The following KCNG2 variants were observed in gnomAD, a reference collection of about 807,000 sequenced individuals.
KCNG2 encodes voltage-gated potassium channel regulatory subunit KCNG2.
Under a neutral mutation model 12.3 loss-of-function variants are expected in KCNG2, and 7 were observed. That is an observed-to-expected ratio of 0.57 (90% CI 0.32 to 1.07). The LOEUF is 1.07. KCNG2 is among the 50% of genes least tolerant of loss of function. KCNG2 has a pLI of 0.04. For synonymous variants in KCNG2, 414 were observed against 351.4 expected (o/e 1.18, Z -1.99); for missense variants, 703 against 726.0 (o/e 0.97, Z 0.36).
chr18:79,848,222 G>T (rs1369511174), intron 1 of KCNG2, among the ~76,000 whole-genome samples: 1 of 152,198 alleles, frequency 6.6e-6, no homozygotes, highest in African/African-American at 2.4e-5. Flanking sequence ...TTCTAAGTAG[G>T]GTTTGCCTTT....
chr18:79,899,023 G>T lies in KCNG2; in HGVS notation c.625-17G>T, dbSNP rs767920719. On this transcript the variant is annotated splice_polypyrimidine_tract_variant and intron_variant, in intron 3 of 3. Transcript: ENST00000316249. ...AAGAGGCCTGCGCCCCCAACCCCGT[G>T]TCCCCTCTCCCCGCAGGGCGAGTGC... 1.3e-6 allele frequency: 2 copies of T among 1,523,080 alleles called. No homozygotes were observed. Among genetic ancestry groups the T allele is most frequent in the Admixed American group, 1.9e-5 (1 of 52,824 alleles). The allele number at this position is 1,523,080 out of a possible 1,614,324, so 94.3% of individuals were successfully genotyped here.
intron 1 of KCNG2, among the ~76,000 whole-genome samples, chr18:79,827,591 G>A (rs1419581929): frequency 6.6e-6 from 1 of 152,224 alleles, no homozygotes; most frequent in Admixed American, 6.5e-5. Context: ...GTGTCTGAGA[G>A]GCCAGCAGAG....
At chr18:79,888,657 A>G (rs536590908) in intron 3 of KCNG2, among the ~76,000 whole-genome samples, 1 of 152,014 alleles carries the variant, frequency 6.6e-6, no homozygotes, top group Admixed American at 6.5e-5. Context: ...CTGACAGTTG[A>G]GAGCTCTTCT....
chr18:79,899,058 T>C lies in KCNG2; in HGVS notation c.643T>C (p.Cys215Arg). The change falls in exon 4 of 4, where the codon TGC becomes CGC. Residue 215 changes from cysteine to arginine, a missense_variant. Transcript: ENST00000316249. ...CCCGCAGGGCGAGTGCTCCCCCAAG[T>C]GCCGCAGCCTGTTCGTGCTGGAGAC... ...EEERGECSPK[C>R]RSLFVLETVC... 1 of 1,574,036 alleles carries C rather than the reference T, an allele frequency of 6.4e-7. No individual in the cohort carries two copies. The highest frequency in any genetic ancestry group is 8.6e-7 in the Non-Finnish European group (1 of 1,163,266).
At position 79,899,414 on chromosome 18, in the gene KCNG2, G is replaced by T; in HGVS notation, c.999G>T (p.Met333Ile). 6.3e-7 allele frequency: 1 copy of T among 1,586,368 alleles called. No individual in the cohort carries two copies. The change falls in exon 4 of 4, where the codon ATG becomes ATT. Residue 333 changes from methionine to isoleucine, a missense_variant. Physicochemically the swap from Met to Ile is conservative, Grantham distance 10. Coordinates refer to ENST00000316249, the MANE Select transcript of KCNG2 (RefSeq NM_012283.2). ...TGCTGCTGTTCCTCTGCGTGGCCAT[G>T]GCGCTCTTCGCGCCACTGGTGCACC... ...GLLLLFLCVAMALFAPLVHLA... is the reference protein window; with the variant it reads ...GLLLLFLCVAIALFAPLVHLA...
At chr18:79,838,240 A>G (rs1457716266) in intron 1 of KCNG2, among the ~76,000 whole-genome samples, 1 of 152,200 alleles carries the variant, frequency 6.6e-6, no homozygotes, top group East Asian at 1.9e-4. Context: ...AAACCATATC[A>G]AAAGTATACC....
chr18:79,819,414 G>A (rs1279389958), intron 1 of KCNG2, among the ~76,000 whole-genome samples: 1 of 152,214 alleles, frequency 6.6e-6, no homozygotes, highest in Non-Finnish European at 1.5e-5. Context: ...AGCTGTTGCT[G>A]CCAGGCCTGG....
chr18:79,878,290 G>A lies in KCNG2; in HGVS notation c.624+13999G>A, dbSNP rs769184029. Among the ~76,000 whole-genome samples, 40 of 120,250 alleles carry A rather than the reference G, an allele frequency of 3.3e-4. 1 individual carries two copies. Among genetic ancestry groups the A allele is most frequent in the Non-Finnish European group, 5.7e-4 (31 of 54,046 alleles). The allele number at this position is 120,250 out of a possible 152,430, so 78.9% of individuals were successfully genotyped here. ...GCCTGATGCCCACGTGGCAGTGTGC[G>A]GAGGGCACCTGATGCCACGTGGCAG... On this transcript the variant is annotated intron_variant, in intron 3 of 3. Transcript: ENST00000316249.
intron 3 of KCNG2, among the ~76,000 whole-genome samples, chr18:79,882,649 A>G (rs1980343184): frequency 6.6e-6 from 1 of 152,268 alleles, no homozygotes; most frequent in African/African-American, 2.4e-5. Flanking sequence ...GCCCTGATCT[A>G]AAAACCAGCC....
intron 1 of KCNG2, among the ~76,000 whole-genome samples, chr18:79,810,464 T>C (rs564979466): frequency 3.9e-5 from 6 of 152,124 alleles, no homozygotes; most frequent in Middle Eastern, 3.4e-3. Flanking sequence ...GCAGGAAACG[T>C]AGAAATCAAA....
At chr18:79,890,385 T>C (rs768862657) in intron 3 of KCNG2, among the ~76,000 whole-genome samples, 3 of 152,182 alleles carry the variant, frequency 2.0e-5, no homozygotes, top group Non-Finnish European at 4.4e-5. Context: ...ACATATTGTG[T>C]GATGCTGAGG....
intron 1 of KCNG2, among the ~76,000 whole-genome samples, chr18:79,804,968 G>A (rs79682532): frequency 1.4e-4 from 21 of 152,204 alleles, no homozygotes; most frequent in African/African-American, 3.4e-4. Flanking sequence ...ACACACATAC[G>A]GGTGAAGGCT....
In KCNG2 at chr18:79,899,322, C is replaced by T. The variant is rs943323252; in HGVS notation, c.907C>T (p.Arg303Cys). The stretch of plus-strand genomic sequence containing the variant: ...CGTGCTCTACGTGATGCGCCTGGCG[C>T]GCCACTCGCTGGGGCTGCGTTCGCT... ...LRVLYVMRLA[R>C]HSLGLRSLGL... The change falls in exon 4 of 4, where the codon CGC becomes TGC. Residue 303 changes from arginine (R) to cysteine (C), a missense_variant. Coordinates refer to ENST00000316249, the MANE Select transcript of KCNG2 (RefSeq NM_012283.2). 6 of 1,551,476 alleles carry T rather than the reference C, an allele frequency of 3.9e-6. No individual in the cohort carries two copies. Among genetic ancestry groups the T allele is most frequent in the Non-Finnish European group, 5.2e-6 (6 of 1,158,584 alleles).
At chr18:79,833,195 G>A (rs1978305846) in intron 1 of KCNG2, among the ~76,000 whole-genome samples, 1 of 152,096 alleles carries the variant, frequency 6.6e-6, no homozygotes, top group Non-Finnish European at 1.5e-5. Flanking sequence ...GGGTGCAGTG[G>A]TGCGATCTTG....
chr18:79,899,939 G>C lies in KCNG2; in HGVS notation c.*123G>C, dbSNP rs1042065663. The C allele has an allele frequency of 1.1e-6, 1 of 940,538 alleles. No homozygotes were observed. Among genetic ancestry groups the C allele is most frequent in the Non-Finnish European group, 1.4e-6 (1 of 717,816 alleles). 58.3% of individuals were successfully genotyped at this position (940,538 alleles called of 1,614,324 possible). A position where few individuals can be genotyped will look rare whatever the true frequency, so the allele number is the denominator to read the frequency against. ...AGCGGCTCCTGCCGGCCGCGTCCTC[G>C]GCCCTCGTGCGTGAGCAGCCCCAGA... On this transcript the variant is annotated 3_prime_UTR_variant, in exon 4 of 4. Coordinates refer to ENST00000316249, the MANE Select transcript of KCNG2 (RefSeq NM_012283.2).
rs184207111 is a variant in KCNG2 at position 79,830,324 on chromosome 18, G to A, written c.-114-26055G>A. 2.2e-4 allele frequency among the ~76,000 whole-genome samples: 33 copies of A among 152,340 alleles called. No individual in the cohort carries two copies. In the East Asian group the frequency reaches 5.8e-3, roughly 27 times the overall value. On this transcript the variant is annotated intron_variant, in intron 1 of 3. Coordinates refer to ENST00000316249, the MANE Select transcript of KCNG2 (RefSeq NM_012283.2). ...TCTTACAGGATGGCACCATTTGAAA[G>A]GGGCGCCTGTGACGAGCCCCACACC...
At chr18:79,802,486 G>C (rs1048312654) in intron 1 of KCNG2, among the ~76,000 whole-genome samples, 1 of 152,134 alleles carries the variant, frequency 6.6e-6, no homozygotes, top group African/African-American at 2.4e-5. Context: ...GTCCCAGCCC[G>C]GCCGCTGCAG....
At chr18:79,846,472 T>C (rs1978634626) in intron 1 of KCNG2, among the ~76,000 whole-genome samples, 1 of 135,182 alleles carries the variant, frequency 7.4e-6, no homozygotes, top group African/African-American at 2.5e-5. Flanking sequence ...GACTCACATG[T>C]GAACTCATAT....
chr18:79,849,982 G>C (rs1386863546), intron 1 of KCNG2, among the ~76,000 whole-genome samples: 1 of 152,184 alleles, frequency 6.6e-6, no homozygotes, highest in Non-Finnish European at 1.5e-5. Context: ...GCCGTAGGAG[G>C]AGTGTCCCGC....
Sources: allele counts gnomAD v4.1 joint callset (sites outside exome capture counted in the v4.1 genomes callset), GRCh38; gene constraint gnomAD v4.1.1; transcripts MANE v1.5; gene names NCBI Gene and HGNC (gene_info 2026-07-23, HGNC 2026-07-21).